PCSK2: variants seen among roughly 807,000 people sequenced by gnomAD.
The protein encoded by PCSK2 is neuroendocrine convertase 2.
In PCSK2, 14 loss-of-function variants were observed where a neutral mutation model predicts 69.7. That is an observed-to-expected ratio of 0.20 (90% CI 0.13 to 0.31). The LOEUF (loss-of-function observed/expected upper bound fraction) is 0.31. Ranked by LOEUF, PCSK2 falls within the 10% of genes least tolerant of loss-of-function variation. The probability of loss-of-function intolerance (pLI) is 1.00; values close to 1 mark genes in which losing one functional copy is unlikely to be tolerated. For synonymous variants in PCSK2, 307 were observed against 320.7 expected, an observed-to-expected ratio of 0.96 and a Z score of 0.46; for missense variants, 544 against 842.5, an observed-to-expected ratio of 0.65 and a Z score of 4.39.
At chr20:17,387,175 TATAAA>T (rs1252643889) in intron 5 of PCSK2, among the ~76,000 whole-genome samples, 1 of 152,190 alleles carries the variant, frequency 6.6e-6, no homozygotes, top group Non-Finnish European at 1.5e-5. Context: ...ATTCCTGAGA[TATAAA>T]AGAAGGATAG....
chr20:17,417,564 T>C (rs1349133736), intron 6 of PCSK2, among the ~76,000 whole-genome samples: 1 of 152,202 alleles, frequency 6.6e-6, no homozygotes, highest in African/African-American at 2.4e-5. Flanking sequence ...CAAACATAAC[T>C]ACCATTGTAA....
Position 17,347,787 on chromosome 20 carries a change from C to CGAAAGAAAGAAA in PCSK2, c.283-10477_283-10466dup, listed in dbSNP as rs58349005. 4.2e-3 allele frequency among the ~76,000 whole-genome samples: 205 copies of CGAAAGAAAGAAA among 48,532 alleles called. 8 individuals carry two copies. The highest frequency in any genetic ancestry group is 9.9e-3 in the East Asian group (11 of 1,108). 31.8% of individuals were successfully genotyped at this position (48,532 alleles called of 152,430 possible). ...CTAAAACTGCTGAAAGACACATAGA[C>CGAAAGAAAGAAA]GAAAGAAAGAAAGAAAGAAAGAAAG... On this transcript the variant is annotated intron_variant, in intron 2 of 11. Transcript: ENST00000262545.
intron 2 of PCSK2, among the ~76,000 whole-genome samples, chr20:17,304,287 A>G: frequency 6.6e-6 from 1 of 152,136 alleles, no homozygotes; most frequent in Non-Finnish European, 1.5e-5. Flanking sequence ...GTCTAGATAT[A>G]TTTCTGCCAC....
intron 6 of PCSK2, among the ~76,000 whole-genome samples, chr20:17,421,961 A>G (rs1360703095): frequency 1.3e-5 from 2 of 152,182 alleles, no homozygotes; most frequent in African/African-American, 4.8e-5. Flanking sequence ...AATCGGTTCT[A>G]TGAAGCAGTC....
At chr20:17,322,714 A>G (rs1406089185) in intron 2 of PCSK2, among the ~76,000 whole-genome samples, 1 of 152,218 alleles carries the variant, frequency 6.6e-6, no homozygotes, top group Non-Finnish European at 1.5e-5. Context: ...CAGGGAAGGA[A>G]CACTGTGTCC....
At chr20:17,302,294 T>C (rs1989111883) in intron 2 of PCSK2, among the ~76,000 whole-genome samples, 1 of 152,200 alleles carries the variant, frequency 6.6e-6, no homozygotes, top group South Asian at 2.1e-4. Flanking sequence ...TCAATTATTC[T>C]TTGTCATTTG....
chr20:17,304,210 A>G (rs933727754), intron 2 of PCSK2, among the ~76,000 whole-genome samples: 1 of 152,148 alleles, frequency 6.6e-6, no homozygotes, highest in African/African-American at 2.4e-5. Flanking sequence ...CTAAATAAAC[A>G]TTAGTTATTT....
intron 11 of PCSK2, among the ~76,000 whole-genome samples, chr20:17,471,082 G>A (rs2033192563): frequency 6.6e-6 from 1 of 152,160 alleles, no homozygotes; most frequent in Non-Finnish European, 1.5e-5. Context: ...TGATCGTCAA[G>A]CACCATATGA....
rs189879007 is a variant in PCSK2 at position 17,460,826 on chromosome 20, A to T, written c.1202+4378A>T. On this transcript the variant is annotated intron_variant, in intron 10 of 11. Transcript: ENST00000262545. ...TCTGATATATGTGATATATGTTATC[A>T]TTAATAATAATAAAGTCTTTTTATT... Among the ~76,000 whole-genome samples, 291 of 152,354 alleles carry T rather than the reference A, an allele frequency of 1.9e-3. 5 individuals are homozygous for T. The highest frequency in any genetic ancestry group is 1.8e-4 in the Non-Finnish European group (12 of 68,038).
At chr20:17,327,571 G>T (rs1231928756) in intron 2 of PCSK2, among the ~76,000 whole-genome samples, 2 of 152,060 alleles carry the variant, frequency 1.3e-5, no homozygotes, top group Non-Finnish European at 2.9e-5. Context: ...CTCCTCCCTG[G>T]GGCAGAGCGG....
intron 1 of PCSK2, among the ~76,000 whole-genome samples, chr20:17,241,514 G>A (rs371940893): frequency 1.3e-5 from 2 of 152,292 alleles, no homozygotes; most frequent in East Asian, 3.9e-4. Context: ...CTTGATCTCT[G>A]CCTGGTTTCT....
At chr20:17,441,236 G>A (rs1425469371) in intron 8 of PCSK2, among the ~76,000 whole-genome samples, 2 of 152,180 alleles carry the variant, frequency 1.3e-5, no homozygotes, top group East Asian at 1.9e-4. Flanking sequence ...CAAAATTAGG[G>A]GAAACACCCC....
At chr20:17,382,320 T>G (rs1423142272) in intron 5 of PCSK2, among the ~76,000 whole-genome samples, 1 of 152,204 alleles carries the variant, frequency 6.6e-6, no homozygotes, top group Non-Finnish European at 1.5e-5. Context: ...GTTAAGCCAG[T>G]GAAGTGGGTA....
At chr20:17,452,483 G>A (rs1029675805) in intron 8 of PCSK2, among the ~76,000 whole-genome samples, 1 of 152,212 alleles carries the variant, frequency 6.6e-6, no homozygotes, top group Non-Finnish European at 1.5e-5. Context: ...GCACTTGGAG[G>A]TAATCCAGTC....
intron 5 of PCSK2, among the ~76,000 whole-genome samples, chr20:17,404,131 G>T (rs1277586923): frequency 2.6e-5 from 4 of 152,150 alleles, no homozygotes; most frequent in Non-Finnish European, 4.4e-5. Context: ...TAAGTCCAAT[G>T]CAGACCCTAG....
At chr20:17,244,800 C>T (rs970956375) in intron 1 of PCSK2, among the ~76,000 whole-genome samples, 3 of 152,196 alleles carry the variant, frequency 2.0e-5, no homozygotes, top group Non-Finnish European at 4.4e-5. Flanking sequence ...CTGAAGATGT[C>T]ACAGGTGCCA....
rs78107442 is a variant in PCSK2 at position 17,370,607 on chromosome 20, C to T, written c.543+1330C>T. ...GACCATTGTAAACTGCCTGTGCCAG[C>T]GGTCCTGTGTGTGGAGTCTGAGGAA... On this transcript the variant is annotated intron_variant, in intron 5 of 11. Coordinates refer to ENST00000262545, the MANE Select transcript of PCSK2 (RefSeq NM_002594.5). Among the ~76,000 whole-genome samples, 935 of 152,306 alleles carry T rather than the reference C, an allele frequency of 6.1e-3. 9 individuals carry two copies. The highest frequency in any genetic ancestry group is 0.02 in the African/African-American group (845 of 41,572).
chr20:17,294,468 C>T (rs184439685), intron 2 of PCSK2, among the ~76,000 whole-genome samples: 14 of 152,256 alleles, frequency 9.2e-5, no homozygotes, highest in Admixed American at 8.5e-4. Context: ...TTTTCCCTTT[C>T]TAGTCTTCTG....
intron 6 of PCSK2, among the ~76,000 whole-genome samples, chr20:17,424,992 TC>T (rs1177940218): frequency 6.6e-6 from 1 of 151,164 alleles, no homozygotes; most frequent in Admixed American, 6.6e-5. Context: ...TCCAGGCTGG[TC>T]TTGAACTCCT....
Sources: gnomAD v4.1 joint callset for allele counts (sites outside exome capture counted in the v4.1 genomes callset) on GRCh38, gnomAD v4.1.1 for gene constraint, MANE v1.5 for transcripts, NCBI Gene and HGNC (gene_info 2026-07-23, HGNC 2026-07-21) for gene names.